WNT2B: variants seen among roughly 807,000 people sequenced by gnomAD.
The protein encoded by WNT2B is protein Wnt-2b.
In WNT2B, 19 loss-of-function variants were observed where a neutral mutation model predicts 40.5. The observed-to-expected ratio is 0.47, with a 90% CI of 0.33 to 0.69. WNT2B has a LOEUF of 0.69. Ranked by LOEUF, WNT2B falls within the 30% of genes least tolerant of loss-of-function variation. WNT2B has a pLI of 0.02. For synonymous variants in WNT2B, 220 were observed against 211.9 expected (o/e 1.04, Z -0.33); for missense variants, 467 against 556.4 (o/e 0.84, Z 1.62).
intron 1 of WNT2B, among the ~76,000 whole-genome samples, chr1:112,479,515 A>G (rs920888367): frequency 6.6e-6 from 1 of 151,888 alleles, no homozygotes; most frequent in African/African-American, 2.4e-5. Context: ...CAGAAGTTGC[A>G]GTGAGCCAAG....
chr1:112,470,113 C>T (rs1297490704), intron 1 of WNT2B, among the ~76,000 whole-genome samples: 1 of 152,156 alleles, frequency 6.6e-6, no homozygotes, highest in Non-Finnish European at 1.5e-5. Context: ...GCTCAATGAC[C>T]TTTTCTTTCA....
upstream of WNT2B, among the ~76,000 whole-genome samples, chr1:112,507,311 A>C (rs201111047): frequency 5.9e-5 from 9 of 152,194 alleles, no homozygotes; most frequent in African/African-American, 1.9e-4. Flanking sequence ...GGCAAACTCC[A>C]TGAGGGCATA....
In WNT2B at chr1:112,509,441, G is replaced by A; in HGVS notation, c.179G>A (p.Trp60Ter). The A allele has an allele frequency of 6.3e-7, 1 of 1,586,616 alleles. No individual in the cohort carries two copies. Among genetic ancestry groups the A allele is most frequent in the Non-Finnish European group, 8.5e-7 (1 of 1,174,158 alleles). The change falls in exon 1 of 5, where the codon TGG (tryptophan) becomes TAG (stop). Residue 60 changes from tryptophan (W) to a stop codon, truncating the protein, a stop_gained. Coordinates refer to ENST00000369684, the MANE Select transcript of WNT2B (RefSeq NM_024494.3). LOFTEE classifies it high-confidence loss of function. The surrounding 1 kb of genome is among the most constrained non-coding windows in gnomAD (Gnocchi z 4.2). Reference sequence around the variant, plus strand: ...CTGCCGGCCCGCGTAGACACGTCCTGGTGGTAAGTGTGGCTCTCAGGCTGG... The same window carrying A: ...CTGCCGGCCCGCGTAGACACGTCCTAGTGGTAAGTGTGGCTCTCAGGCTGG... ...LTLPARVDTS[W>*]WYIGALGARV...
chr1:112,467,549 C>T, exon 1 of WNT2B: 2 of 780,962 alleles, frequency 2.6e-6, no homozygotes, highest in Non-Finnish European at 4.8e-6. Flanking sequence ...TGTTGGATGG[C>T]CTTGGAGTGG....
chr1:112,507,687 G>C (rs1652156134), upstream of WNT2B, among the ~76,000 whole-genome samples: 1 of 152,208 alleles, frequency 6.6e-6, no homozygotes, highest in African/African-American at 2.4e-5. Context: ...CCCAACCAAA[G>C]ACTGACAGTG....
rs189578640 is a variant in WNT2B at position 112,495,164 on chromosome 1, A to G, written c.-94-19710A>G. On this transcript the variant is annotated intron_variant, in intron 1 of 4. Transcript: ENST00000256640. Reference sequence around the variant, plus strand: ...CTAATATGCTAAGAAAGGAGGGAAAATTGAATCATATGAAATGTTTATTTA... The same window carrying G: ...CTAATATGCTAAGAAAGGAGGGAAAGTTGAATCATATGAAATGTTTATTTA... Among the ~76,000 whole-genome samples the G allele has an allele frequency of 1.7e-4, 26 of 151,638 alleles. No homozygotes were observed. The East Asian group carries it at 4.8e-3, about 28-fold the overall frequency.
chr1:112,509,527 AC>A lies in WNT2B; in HGVS notation c.182+85del. 1 of 1,439,406 alleles carries A rather than the reference AC, an allele frequency of 6.9e-7. No homozygotes were observed. Among genetic ancestry groups the A allele is most frequent in the Non-Finnish European group, 9.1e-7 (1 of 1,096,728 alleles). 89.2% of individuals were successfully genotyped at this position (1,439,406 alleles called of 1,614,324 possible). A position where few individuals can be genotyped will look rare whatever the true frequency, so the allele number is the denominator to read the frequency against. On this transcript the variant is annotated intron_variant, in intron 1 of 4. Transcript: ENST00000369684. The surrounding 1 kb of genome is among the most constrained non-coding windows in gnomAD (Gnocchi z 4.2). ...CCTGGAGGGACTGGCTGCTCACGGGACCAGGCTGTTGCTTCGACGGGTTGGA... is the reference window on the plus strand; with the variant it reads ...CCTGGAGGGACTGGCTGCTCACGGGACAGGCTGTTGCTTCGACGGGTTGGA...
chr1:112,480,509 A>G (rs1039389102), intron 1 of WNT2B, among the ~76,000 whole-genome samples: 11 of 152,152 alleles, frequency 7.2e-5, no homozygotes, highest in Non-Finnish European at 1.5e-5. Context: ...TTCTAGAAAC[A>G]TACAACCTAC....
chr1:112,509,545 C>T lies in WNT2B; in HGVS notation c.182+101C>T, dbSNP rs2101082231. The T allele has an allele frequency of 1.5e-6, 2 of 1,332,508 alleles. No individual in the cohort carries two copies. The highest frequency in any genetic ancestry group is 9.9e-7 in the Non-Finnish European group (1 of 1,013,418). The allele number at this position is 1,332,508 out of a possible 1,614,324, so 82.5% of individuals were successfully genotyped here. The stretch of plus-strand genomic sequence containing the variant: ...TCACGGGACCAGGCTGTTGCTTCGA[C>T]GGGTTGGAGACGATTCGGGCAGGAC... On this transcript the variant is annotated intron_variant, in intron 1 of 4. Transcript: ENST00000369684. This position sits in a 1 kb window ranked among gnomAD's most constrained non-coding sequence, Gnocchi z 4.2.
intron 1 of WNT2B, among the ~76,000 whole-genome samples, chr1:112,483,564 G>A (rs573914758): frequency 2.0e-4 from 27 of 135,822 alleles, no homozygotes; most frequent in Admixed American, 1.3e-3. Flanking sequence ...ATATTGGCCT[G>A]GGAAATGATT....
chr1:112,469,273 T>C (rs941946529), intron 1 of WNT2B, among the ~76,000 whole-genome samples: 3 of 152,256 alleles, frequency 2.0e-5, no homozygotes, highest in African/African-American at 7.2e-5. Context: ...TAGTGTGATA[T>C]ATCCACTTTA....
chr1:112,474,584 GA>G (rs1018410555), intron 1 of WNT2B, among the ~76,000 whole-genome samples: 4 of 152,060 alleles, frequency 2.6e-5, no homozygotes, highest in Admixed American at 6.5e-5. Context: ...GACTACTGAG[GA>G]AAAAAACTGT....
Position 112,522,170 on chromosome 1 carries a change from AC to A in WNT2B, c.*1662del, listed in dbSNP as rs1355096403. The stretch of plus-strand genomic sequence containing the variant: ...CTCAGCCTCCCCATTAGCTGGGACT[AC>A]AGGGCCATGCCATCATGCCCAGCTA... On this transcript the variant is annotated 3_prime_UTR_variant, in exon 5 of 5. Coordinates refer to ENST00000369684, the MANE Select transcript of WNT2B (RefSeq NM_024494.3). 1 of 152,244 alleles carries A rather than the reference AC, an allele frequency of 6.6e-6. No individual in the cohort carries two copies. The highest frequency in any genetic ancestry group is 2.4e-5 in the African/African-American group (1 of 41,422). 9.4% of individuals were successfully genotyped at this position (152,244 alleles called of 1,614,324 possible). A position where few individuals can be genotyped will look rare whatever the true frequency, so the allele number is the denominator to read the frequency against.
At chr1:112,471,565 G>C (rs1216286018) in intron 1 of WNT2B, among the ~76,000 whole-genome samples, 2 of 152,104 alleles carry the variant, frequency 1.3e-5, no homozygotes, top group Non-Finnish European at 2.9e-5. Flanking sequence ...TCAGTTTTTT[G>C]AGAGATTTCT....
intron 1 of WNT2B, among the ~76,000 whole-genome samples, chr1:112,489,298 C>T (rs971868240): frequency 6.6e-6 from 1 of 151,926 alleles, no homozygotes; most frequent in Admixed American, 6.6e-5. Context: ...GTGGCTCACA[C>T]CTTTAATCCC....
chr1:112,508,223 G>A (rs1369429367), upstream of WNT2B, among the ~76,000 whole-genome samples: 1 of 151,950 alleles, frequency 6.6e-6, no homozygotes, highest in Non-Finnish European at 1.5e-5. The surrounding 1 kb of genome is among the most constrained non-coding windows in gnomAD (Gnocchi z 4.2). Context: ...GAGGCACAGA[G>A]GGGGAGCGGG....
At position 112,517,246 on chromosome 1, in the gene WNT2B, T is replaced by C; in HGVS notation, c.807T>C (p.Tyr269=). 6.2e-7 allele frequency: 1 copy of C among 1,614,204 alleles called. No homozygotes were observed. Residue 269 remains tyrosine, a synonymous_variant, in exon 4 of 5, where the codon TAT becomes TAC. Transcript: ENST00000369684. The stretch of plus-strand genomic sequence containing the variant: ...CAGGTGATTACCTGCGGCGACGCTA[T>C]GATGGGGCTGTGCAGGTGATGGCCA... ...RRTGDYLRRR[Y]DGAVQVMATQ...
At chr1:112,497,658 C>A (rs1460182544) in intron 1 of WNT2B, among the ~76,000 whole-genome samples, 3 of 152,152 alleles carry the variant, frequency 2.0e-5, no homozygotes, top group African/African-American at 7.2e-5. Flanking sequence ...TCCTTCTATC[C>A]TTATTAATCT....
intron 4 of WNT2B, 127 bp downstream of exon 4, chr1:112,517,512 C>A: frequency 8.3e-7 from 1 of 1,207,190 alleles, no homozygotes; most frequent in Non-Finnish European, 1.1e-6. Context: ...AGTTTCCTCT[C>A]CACATGAACA....
Sources: gnomAD v4.1 joint callset for allele counts (sites outside exome capture counted in the v4.1 genomes callset) on GRCh38, gnomAD v4.1.1 for gene constraint, Gnocchi (gnomAD v3.1) non-coding constraint, MANE v1.5 for transcripts, NCBI Gene and HGNC (gene_info 2026-07-23, HGNC 2026-07-21) for gene names.